Variants in IL9R observed in about 807,000 individuals in gnomAD.
IL9R encodes interleukin-9 receptor.
A neutral mutation model predicts 56.3 loss-of-function variants in IL9R; 54 were observed. The observed-to-expected ratio is 0.96, with a 90% CI of 0.77 to 1.20. IL9R has a LOEUF of 1.20. Among genes scored for constraint, IL9R ranks in the 50% most tolerant of loss-of-function variants. IL9R has a pLI of 0.00. For synonymous variants in IL9R, 212 were observed against 250.2 expected (o/e 0.85, Z 1.44); for missense variants, 545 against 629.8 (o/e 0.87, Z 1.44).
intron 1 of IL9R, 120 bp downstream of exon 1, chrX:155,997,907 AC>A: frequency 1.1e-6 from 1 of 944,998 alleles, no homozygotes. Flanking sequence ...TGAGAGCGCC[AC>A]CCTAGCTTTA....
rs778664181 is a variant in IL9R at position 156,003,735 on chromosome X, G to A, written c.313G>A (p.Val105Met). ...CILRGSECTV[V>M]LPPEAVLVPS... ...CTTGCGGGGCAGTGAGTGCACCGTCGTGCTGCCACCTGAGGCAGTGCTCGT... is the reference window on the plus strand; with the variant it reads ...CTTGCGGGGCAGTGAGTGCACCGTCATGCTGCCACCTGAGGCAGTGCTCGT... Residue 105 changes from valine (V) to methionine (M), a missense_variant, in exon 4 of 9, where the codon GTG becomes ATG. By Grantham distance (21) the Val-to-Met change is conservative. Transcript: ENST00000244174. The A allele has an allele frequency of 8.7e-6, 14 of 1,613,898 alleles. No homozygotes were observed. Among genetic ancestry groups the A allele is most frequent in the Middle Eastern group, 1.7e-4 (1 of 6,056 alleles).
At chrX:155,998,889 G>A (rs1275627521) in intron 1 of IL9R, among the ~76,000 whole-genome samples, 8 of 152,058 alleles carry the variant, frequency 5.3e-5, no homozygotes, top group African/African-American at 1.7e-4. Flanking sequence ...CAGAGCAGGC[G>A]ACGTGGGTAC....
intron 1 of IL9R, among the ~76,000 whole-genome samples, chrX:156,002,641 G>A (rs188721267): frequency 1.3e-3 from 200 of 152,292 alleles, no homozygotes; most frequent in African/African-American, 4.5e-3. Flanking sequence ...TGAGTCAGAG[G>A]CCAGGATCTA....
rs731477 is a variant in IL9R, at chrX:155,999,289, C to A, written c.28+1502C>A. 3.3e-5 allele frequency among the ~76,000 whole-genome samples: 5 copies of A among 151,994 alleles called. 1 individual carries two copies. The highest frequency in any genetic ancestry group is 4.2e-4 in the South Asian group (2 of 4,806). On this transcript the variant is annotated intron_variant, in intron 1 of 8. Transcript: ENST00000244174. The stretch of plus-strand genomic sequence containing the variant: ...TGTCCACCCAACACCTCTGCAGTGC[C>A]AAGTCCAGCCCTGACTTCTTCCTGA...
chrX:156,005,781 G>A (rs1243661841), intron 6 of IL9R, among the ~76,000 whole-genome samples: 1 of 152,072 alleles, frequency 6.6e-6, no homozygotes, highest in African/African-American at 2.4e-5. Context: ...GTCCTTAATG[G>A]GGGCTGGACT....
chrX:155,998,966 G>C (rs2077051), intron 1 of IL9R, among the ~76,000 whole-genome samples: 1 of 151,636 alleles, frequency 6.6e-6, no homozygotes, highest in Non-Finnish European at 1.5e-5. Context: ...ACTCCCAGGG[G>C]ACTGTGCCAA....
intron 1 of IL9R, among the ~76,000 whole-genome samples, chrX:155,998,334 C>G (rs1401184297): frequency 6.6e-6 from 1 of 151,742 alleles, no homozygotes; most frequent in Non-Finnish European, 1.5e-5. Context: ...GAGGGTCAAC[C>G]CAGCCAAGCA....
At chrX:156,007,087 G>C (rs187034002) in intron 7 of IL9R, among the ~76,000 whole-genome samples, 2 of 151,890 alleles carry the variant, frequency 1.3e-5, no homozygotes, top group Non-Finnish European at 2.9e-5. Context: ...ATTTGGACCT[G>C]TTGGGTTGGA....
chrX:155,997,732 T>C lies in IL9R; in HGVS notation c.-28T>C. 1 of 1,612,960 alleles carries C rather than the reference T, an allele frequency of 6.2e-7. No individual in the cohort carries two copies. The highest frequency in any genetic ancestry group is 8.5e-7 in the Non-Finnish European group (1 of 1,179,000). ...AGAGATAGTTGGGTGACAAATCACC[T>C]CCAGGTTGGGGATGCCTCAGACTTG... is the stretch of plus-strand genomic sequence containing the variant. On this transcript the variant is annotated 5_prime_UTR_variant, in exon 1 of 9. Coordinates refer to ENST00000244174, the MANE Select transcript of IL9R (RefSeq NM_002186.3).
chrX:156,000,565 C>A (rs980356686), intron 1 of IL9R, among the ~76,000 whole-genome samples: 4 of 152,202 alleles, frequency 2.6e-5, no homozygotes, highest in African/African-American at 9.7e-5. Context: ...GTGTCAGGGG[C>A]AGCTCTGTCC....
At chrX:156,003,133 G>A (rs1224152105) in intron 2 of IL9R, 114 bp downstream of exon 2, 12 of 1,336,628 alleles carry the variant, frequency 9.0e-6, no homozygotes, top group African/African-American at 1.4e-5. Flanking sequence ...AAACTGTGCT[G>A]GGGCATGTCC....
Position 156,004,484 on chromosome X carries a change from G to A in IL9R, c.498G>A (p.Trp166Ter). Reference protein sequence around the residue: ...NISSGHCILTWSISPALEPMT... With the variant: ...NISSGHCILT ...GTTCTGGCCACTGCATCCTGACCTG[G>A]AGCATCAGTCCTGCCTTGGAGCCAA... Residue 166 changes from tryptophan to a stop codon, truncating the protein, a stop_gained, in exon 5 of 9, where the codon TGG becomes TGA. Transcript: ENST00000244174. LOFTEE classifies it high-confidence loss of function. The A allele has an allele frequency of 6.2e-7, 1 of 1,613,804 alleles. No individual in the cohort carries two copies. The highest frequency in any genetic ancestry group is 1.1e-5 in the South Asian group (1 of 91,052).
At chrX:156,011,642 C>T (rs2124571955), downstream of IL9R, among the ~76,000 whole-genome samples, 1 of 97,064 alleles carries the variant, frequency 1.0e-5, no homozygotes, top group Non-Finnish European at 1.8e-5. Flanking sequence ...AAGCCCCTCC[C>T]TGGGTGAGGA....
At chrX:156,005,540 G>T in intron 6 of IL9R, 61 bp downstream of exon 6, 1 of 1,407,928 alleles carries the variant, frequency 7.1e-7, no homozygotes, top group Non-Finnish European at 1.0e-6. Flanking sequence ...CTTCTCCCCT[G>T]TTCACCTCAG....
chrX:156,006,687 G>GGA (rs1334053157), intron 7 of IL9R, among the ~76,000 whole-genome samples: 65 of 152,172 alleles, frequency 4.3e-4, no homozygotes, highest in Middle Eastern at 3.4e-3. Context: ...TACAAGACAG[G>GGA]GTGCAGGGGC....
At position 156,010,192 on chromosome X, in the gene IL9R, G is replaced by T. The variant is rs772844907; in HGVS notation, c.1349G>T (p.Gly450Val). 5 of 1,463,462 alleles carry T rather than the reference G, an allele frequency of 3.4e-6. No homozygotes were observed. In the South Asian group the frequency reaches 3.7e-5, roughly 11 times the overall value. 90.7% of individuals were successfully genotyped at this position (1,463,462 alleles called of 1,614,324 possible). Residue 450 changes from glycine to valine, a missense_variant, in exon 9 of 9, where the codon GGG becomes GTG. This residue lies in a region of IL9R where 114 missense variants were observed against 269.8 expected (regional missense o/e 0.42). Transcript: ENST00000244174. ...AACTACTGTGCCTTGGGCTGCTATG[G>T]GGGATGGCACCTCTCAGCCCTCCCA... ...NNNYCALGCY[G>V]GWHLSALPGN...
chrX:155,999,690 G>T (rs1373274771), intron 1 of IL9R, among the ~76,000 whole-genome samples: 2 of 152,100 alleles, frequency 1.3e-5, no homozygotes, highest in Admixed American at 1.3e-4. Context: ...TGCTTCTGGG[G>T]TACCAAGGTC....
At chrX:156,003,184 T>C (rs2067660277) in intron 2 of IL9R, among the ~76,000 whole-genome samples, 165 bp downstream of exon 2, 1 of 152,046 alleles carries the variant, frequency 6.6e-6, no homozygotes, top group South Asian at 2.1e-4. Flanking sequence ...GTCTCCCTAC[T>C]TTTACCTCCC....
intron 7 of IL9R, among the ~76,000 whole-genome samples, 175 bp downstream of exon 7, chrX:156,006,363 G>C (rs1364616675): frequency 1.3e-5 from 2 of 149,738 alleles, no homozygotes; most frequent in Non-Finnish European, 3.0e-5. Context: ...GTCCTGGACG[G>C]GGTGGGCTTT....
Sources: gnomAD v4.1 joint callset for allele counts (sites outside exome capture counted in the v4.1 genomes callset) on GRCh38, gnomAD v4.1.1 for gene constraint, gnomAD v4.1.1 regional missense constraint, MANE v1.5 for transcripts, NCBI Gene and HGNC (gene_info 2026-07-23, HGNC 2026-07-21) for gene names.